The following RTEL1 variants were observed in gnomAD, a reference collection of about 807,000 sequenced individuals.
RTEL1 encodes the protein regulator of telomere elongation helicase 1.
Under a neutral mutation model 162.2 loss-of-function variants are expected in RTEL1, and 86 were observed. The ratio of observed to expected loss-of-function variants is 0.53; its 90% CI spans 0.45 to 0.63. RTEL1 has a LOEUF of 0.63. Among genes scored for constraint, RTEL1 ranks in the 30% least tolerant of loss-of-function variants. The pLI is 0.00. For missense variants in RTEL1, 1,941 were observed against 1,750.2 expected, an observed-to-expected ratio of 1.11 and a Z score of -1.95; for synonymous variants, 958 against 717.9, an observed-to-expected ratio of 1.33 and a Z score of -5.35.
intron 10 of RTEL1, 121 bp downstream of exon 10, chr20:63,674,214 G>A (rs2090304382): frequency 6.8e-7 from 1 of 1,467,492 alleles, no homozygotes; most frequent in South Asian, 1.4e-5. Context: ...GCTTGGTCCT[G>A]AGGCCCGTGC....
intron 6 of RTEL1, 91 bp from the exon 7 acceptor site, chr20:63,665,913 T>G (rs1601095808): frequency 1.7e-6 from 2 of 1,205,176 alleles, no homozygotes; most frequent in Non-Finnish European, 2.4e-6. Context: ...CTGCCCGCCG[T>G]GTAGGAGCCG....
intron 8 of RTEL1, among the ~76,000 whole-genome samples, chr20:63,669,054 G>A (rs538462739): frequency 3.3e-5 from 5 of 152,222 alleles, no homozygotes; most frequent in Non-Finnish European, 7.4e-5. Flanking sequence ...CACCATCTCG[G>A]CTCACTGCAG....
intron 12 of RTEL1, among the ~76,000 whole-genome samples, 178 bp downstream of exon 12, chr20:63,678,524 G>A (rs1424926285): frequency 6.6e-6 from 1 of 151,840 alleles, no homozygotes; most frequent in Non-Finnish European, 1.5e-5. Flanking sequence ...ATGTTGAGAG[G>A]AGCAGCACAC....
intron 2 of RTEL1, among the ~76,000 whole-genome samples, chr20:63,660,033 C>G (rs994938402): frequency 1.3e-5 from 2 of 152,142 alleles, no homozygotes; most frequent in Non-Finnish European, 2.9e-5. Flanking sequence ...ATGCTTTTCT[C>G]CACCCAAACA....
At chr20:63,683,185 C>T (rs1223339825) in intron 14 of RTEL1, among the ~76,000 whole-genome samples, 3 of 152,198 alleles carry the variant, frequency 2.0e-5, no homozygotes, top group African/African-American at 7.2e-5. Context: ...AGGCTGGTCT[C>T]AAACTCCTGG....
At chr20:63,689,282 C>T (rs2090668929) in intron 22 of RTEL1, 150 bp downstream of exon 22, 4 of 910,748 alleles carry the variant, frequency 4.4e-6, no homozygotes, top group Non-Finnish European at 3.3e-6. Context: ...GGAGCGTGTC[C>T]TGCTCTGGGC....
At chr20:63,660,181 G>A (rs562626636) in intron 2 of RTEL1, among the ~76,000 whole-genome samples, 5 of 152,330 alleles carry the variant, frequency 3.3e-5, no homozygotes, top group African/African-American at 1.2e-4. Flanking sequence ...GTTCCCAGGG[G>A]CAGGCAGGAG....
intron 26 of RTEL1, 40 bp from the exon 27 acceptor site, chr20:63,690,765 C>A (rs751941133): frequency 1.3e-6 from 2 of 1,556,338 alleles, no homozygotes; most frequent in South Asian, 2.4e-5. Flanking sequence ...CCAGCTGGGG[C>A]CCCCCGTGGG....
Position 63,662,538 on chromosome 20 carries a change from C to A in RTEL1, c.396-8C>A, listed in dbSNP as rs376116171. Reference sequence around the variant, plus strand: ...TCCTCCTCGACCCACGGTGCTCTCTCCCACCAGGCCTAAGGTGTGTGTGCT... The same window carrying A: ...TCCTCCTCGACCCACGGTGCTCTCTACCACCAGGCCTAAGGTGTGTGTGCT... On this transcript the variant is annotated splice_polypyrimidine_tract_variant and splice_region_variant and intron_variant, in intron 4 of 34. Coordinates refer to ENST00000360203, the MANE Select transcript of RTEL1 (RefSeq NM_001283009.2). 6.2e-7 allele frequency: 1 copy of A among 1,613,970 alleles called. No homozygotes were observed. The highest frequency in any genetic ancestry group is 8.5e-7 in the Non-Finnish European group (1 of 1,180,000).
intron 25 of RTEL1, 39 bp downstream of exon 25, chr20:63,690,249 C>T (rs1220346037): frequency 6.2e-7 from 1 of 1,604,244 alleles, no homozygotes; most frequent in Admixed American, 1.7e-5. Flanking sequence ...GGTGTTGTCC[C>T]CAGAGGAGCC....
chr20:63,687,442 A>G, intron 16 of RTEL1, 196 bp from the exon 17 acceptor site: 1 of 602,824 alleles, frequency 1.7e-6, no homozygotes, highest in East Asian at 2.9e-5. Context: ...TGTCCCCCAG[A>G]GGGGCCCCAA....
At chr20:63,678,648 C>T (rs573625383) in intron 12 of RTEL1, among the ~76,000 whole-genome samples, 4 of 41,912 alleles carry the variant, frequency 9.5e-5, no homozygotes, top group Admixed American at 3.9e-4. Context: ...CACACTCCCA[C>T]GGAACAGCAC....
chr20:63,695,828 C>T lies in RTEL1; in HGVS notation c.3873C>T (p.Val1291=). The change falls in exon 35 of 35, where the codon GTC becomes GTT. Residue 1291 remains valine, a synonymous_variant. Transcript: ENST00000360203. ...ACACCGCCTCCAGGAAGCAGAGCGT[C>T]ATGCAGGTCTTCTGGCCAGAGCCCC... ...ACHTASRKQS[V]MQVFWPEPQ 6.3e-7 allele frequency: 1 copy of T among 1,599,534 alleles called. No individual in the cohort carries two copies.
intron 22 of RTEL1, 137 bp downstream of exon 22, chr20:63,689,269 C>T: frequency 1.1e-6 from 1 of 939,640 alleles, no homozygotes; most frequent in Non-Finnish European, 1.6e-6. Flanking sequence ...GCTGGCCCTG[C>T]TGGGAGCGTG....
chr20:63,682,812 T>C (rs2090505583), intron 14 of RTEL1, among the ~76,000 whole-genome samples: 1 of 152,236 alleles, frequency 6.6e-6, no homozygotes, highest in African/African-American at 2.4e-5. Flanking sequence ...TCAGGCCGTG[T>C]GCTCGGAAGT....
Position 63,689,620 on chromosome 20 carries a change from T to G in RTEL1, c.1997T>G (p.Met666Arg), listed in dbSNP as rs1421096557. ...VVLKMQFLDE[M>R]KGQGGAGGQF... is the part of the protein sequence containing the mutation. ...CTCAAGATGCAGTTCCTGGATGAGA[T>G]GAAGGGCCAGGGTGGGGCTGGGGGC... Residue 666 changes from methionine (M) to arginine (R), a missense_variant, in exon 23 of 35, where the codon ATG becomes AGG. Physicochemically the swap from Met to Arg is moderately conservative, Grantham distance 91 (BLOSUM62 -1). Transcript: ENST00000360203. 1.2e-6 allele frequency: 2 copies of G among 1,612,094 alleles called. No individual in the cohort carries two copies. The highest frequency in any genetic ancestry group is 1.7e-6 in the Non-Finnish European group (2 of 1,179,614).
intron 14 of RTEL1, among the ~76,000 whole-genome samples, chr20:63,683,168 G>A (rs142079414): frequency 6.6e-5 from 10 of 152,340 alleles, no homozygotes; most frequent in Non-Finnish European, 1.5e-4. Context: ...GTCTTGCCAT[G>A]TTTCCCAGGC....
In RTEL1 at chr20:63,693,201, G is replaced by C. The variant is rs766629738; in HGVS notation, c.2910G>C (p.Gln970His). 11 of 1,612,042 alleles carry C rather than the reference G, an allele frequency of 6.8e-6. No individual in the cohort carries two copies. Among genetic ancestry groups the C allele is most frequent in the South Asian group, 1.1e-5 (1 of 91,094 alleles). ...AGCAGTTTGAGGAGGTCTGTATCCAGCTGACAGGACGAGGCTGTGGCTATC... is the reference window on the plus strand; with the variant it reads ...AGCAGTTTGAGGAGGTCTGTATCCACCTGACAGGACGAGGCTGTGGCTATC... ...HKQQFEEVCI[Q>H]LTGRGCGYRP... Residue 970 changes from glutamine to histidine, a missense_variant, in exon 30 of 35, where the codon CAG becomes CAC. By Grantham distance (24) the Gln-to-His change is conservative. Coordinates refer to ENST00000360203, the MANE Select transcript of RTEL1 (RefSeq NM_001283009.2).
chr20:63,682,196 C>G, intron 14 of RTEL1: 2 of 985,394 alleles, frequency 2.0e-6, no homozygotes, highest in Non-Finnish European at 2.4e-6. Context: ...TTCCTACACT[C>G]GAACTGAATC....
Sources: gnomAD v4.1 joint callset for allele counts (sites outside exome capture counted in the v4.1 genomes callset) on GRCh38, gnomAD v4.1.1 for gene constraint, MANE v1.5 for transcripts, NCBI Gene and HGNC (gene_info 2026-07-23, HGNC 2026-07-21) for gene names.